The following CYP26C1 variants were observed in gnomAD, a reference collection of about 807,000 sequenced individuals.
CYP26C1 encodes cytochrome P450 family 26 subfamily C member 1.
A neutral mutation model predicts 39.1 loss-of-function variants in CYP26C1; 41 were observed. That is an observed-to-expected ratio of 1.05 (90% CI 0.82 to 1.36). The LOEUF (loss-of-function observed/expected upper bound fraction) is 1.36, where lower values mean the gene tolerates loss of function less well. Among genes scored for constraint, CYP26C1 ranks in the 40% most tolerant of loss-of-function variants. The pLI is 0.00. For synonymous variants in CYP26C1, 362 were observed against 350.8 expected (o/e 1.03, Z -0.36); for missense variants, 833 against 752.0 (o/e 1.11, Z -1.26).
In CYP26C1 at chr10:93,062,027, T is replaced by C; in HGVS notation, c.222T>C (p.Ser74=). ...GCCCGCAGGGCTCGCGCTTCCACAG[T>C]TCTCGCCGAGAGCGCTATGGGACAG... ...HWLVQGSRFH[S]SRRERYGTVF... Residue 74 remains serine, a synonymous_variant, in exon 2 of 6, where the codon AGT becomes AGC. Transcript: ENST00000651965. 2 of 1,569,200 alleles carry C rather than the reference T, an allele frequency of 1.3e-6. No homozygotes were observed. Among genetic ancestry groups the C allele is most frequent in the Non-Finnish European group, 1.7e-6 (2 of 1,157,660 alleles).
chr10:93,066,480 T>TC (rs1171460043), intron 5 of CYP26C1, among the ~76,000 whole-genome samples, 195 bp downstream of exon 5: 3 of 151,970 alleles, frequency 2.0e-5, no homozygotes, highest in Non-Finnish European at 2.9e-5. Context: ...CCTCCCCGGA[T>TC]CCCCCGCTGA....
At chr10:93,061,514 C>T in intron 1 of CYP26C1, 47 bp downstream of exon 1, 1 of 1,542,876 alleles carries the variant, frequency 6.5e-7, no homozygotes, top group African/African-American at 1.4e-5. Flanking sequence ...CCTTCTTCCC[C>T]CGGCTCCCAC....
chr10:93,061,306 G>A lies in CYP26C1; in HGVS notation c.43G>A (p.Ala15Thr). The A allele has an allele frequency of 6.3e-7, 1 of 1,596,158 alleles. No individual in the cohort carries two copies. Among genetic ancestry groups the A allele is most frequent in the Non-Finnish European group, 8.5e-7 (1 of 1,172,574 alleles). ...GAGCTGCCTGTCAGTGCTGGGGGCG[G>A]CGGGCACTGCTCTCCTGTGCGCGGG... ...GLSCLSVLGA[A>T]GTALLCAGLL... Residue 15 changes from alanine (A) to threonine (T), a missense_variant, in exon 1 of 6, where the codon GCG (alanine) becomes ACG (threonine). By Grantham distance (58) the Ala-to-Thr change is moderately conservative. Transcript: ENST00000651965.
At chr10:93,066,998 GCTCTGGC>G in intron 5 of CYP26C1, among the ~76,000 whole-genome samples, 1 of 152,368 alleles carries the variant, frequency 6.6e-6, no homozygotes, top group South Asian at 2.1e-4. Flanking sequence ...AGGCAGTGGT[GCTCTGGC>G]TGTGCCAAAC....
chr10:93,065,852 G>T, intron 4 of CYP26C1, 104 bp from the exon 5 acceptor site: 1 of 1,152,494 alleles, frequency 8.7e-7, no homozygotes, highest in Non-Finnish European at 1.1e-6. Context: ...CTGGCTTTTC[G>T]CAATAGTAAA....
At position 93,061,092 on chromosome 10, in the gene CYP26C1, C is replaced by G; in HGVS notation, c.-172C>G. 1.5e-6 allele frequency: 1 copy of G among 663,680 alleles called. No individual in the cohort carries two copies. Among genetic ancestry groups the G allele is most frequent in the Non-Finnish European group, 2.5e-6 (1 of 399,884 alleles). The allele number at this position is 663,680 out of a possible 1,614,324, so 41.1% of individuals were successfully genotyped here. A position where few individuals can be genotyped will look rare whatever the true frequency, so the allele number is the denominator to read the frequency against. The stretch of plus-strand genomic sequence containing the variant: ...ACGGTCACTGCAGTCTTTCACCGTC[C>G]GTCTGTTTTTAGAACAGAGTTCTGG... On this transcript the variant is annotated 5_prime_UTR_variant, in exon 1 of 6. Transcript: ENST00000651965.
At chr10:93,064,071 G>A in intron 3 of CYP26C1, 3 of 1,161,456 alleles carry the variant, frequency 2.6e-6, no homozygotes, top group Non-Finnish European at 3.2e-6. Flanking sequence ...GCATGGACAT[G>A]GACAGCTGTG....
At chr10:93,062,303 G>GC (rs1846761786) in intron 2 of CYP26C1, 69 bp downstream of exon 2, 1 of 1,448,970 alleles carries the variant, frequency 6.9e-7, no homozygotes, top group Non-Finnish European at 9.1e-7. Context: ...CATGGGCCAG[G>GC]CCGGGGCCCC....
rs1337393176 is a variant in CYP26C1, at chr10:93,062,704, ACG to A, written c.430-10_430-9del. ...GGCCAGACCGCCGCCAGCGCTGATC[ACG>A]CGCGCTCCCACAGGTCCTGGCGCGC... On this transcript the variant is annotated splice_polypyrimidine_tract_variant and intron_variant, in intron 2 of 5. Transcript: ENST00000651965. 7.2e-7 allele frequency: 1 copy of A among 1,396,392 alleles called. No individual in the cohort carries two copies. The highest frequency in any genetic ancestry group is 9.2e-7 in the Non-Finnish European group (1 of 1,085,340). 86.5% of individuals were successfully genotyped at this position (1,396,392 alleles called of 1,614,324 possible).
rs1009625618 is a variant in CYP26C1 at position 93,069,139 on chromosome 10, C to T, written c.*442C>T. 2 of 156,642 alleles carry T rather than the reference C, an allele frequency of 1.3e-5. No homozygotes were observed. The highest frequency in any genetic ancestry group is 4.8e-5 in the African/African-American group (2 of 41,652). 9.7% of individuals were successfully genotyped at this position (156,642 alleles called of 1,614,324 possible). The stretch of plus-strand genomic sequence containing the variant: ...CGACGCACGCGGTGGGACCTGCAAC[C>T]CTTGTAAGGAAGCGGGCACGCCGTG... On this transcript the variant is annotated 3_prime_UTR_variant, in exon 6 of 6. Transcript: ENST00000651965.
rs1846758279 is a variant in CYP26C1, at chr10:93,062,131, A to C, written c.326A>C (p.Glu109Ala). 2 of 1,548,730 alleles carry C rather than the reference A, an allele frequency of 1.3e-6. No homozygotes were observed. Among genetic ancestry groups the C allele is most frequent in the East Asian group, 2.4e-5 (1 of 41,378 alleles). ...AENVRTILLG[E>A]HRLVRSQWPQ... ...AACGTGCGCACCATCCTGCTGGGCGAGCACCGCCTGGTGCGCAGCCAGTGG... is the reference window on the plus strand; with the variant it reads ...AACGTGCGCACCATCCTGCTGGGCGCGCACCGCCTGGTGCGCAGCCAGTGG... The change falls in exon 2 of 6, where the codon GAG (glutamate) becomes GCG (alanine). Residue 109 changes from glutamate to alanine, a missense_variant. Transcript: ENST00000651965.
At chr10:93,061,588 C>T in intron 1 of CYP26C1, 121 bp downstream of exon 1, 1 of 1,283,278 alleles carries the variant, frequency 7.8e-7, no homozygotes, top group Non-Finnish European at 1.1e-6. Context: ...CGCCCACGAC[C>T]CCGGGAAGCG....
In CYP26C1 at chr10:93,068,635, G is replaced by C. The variant is rs753971732; in HGVS notation, c.1507G>C (p.Gly503Arg). ...QTVPIVHPVD[G>R]LRLFFHPLTP... ...GGTGCCCATCGTGCACCCAGTGGACGGGCTGCGGCTCTTTTTCCACCCCCT... is the reference window on the plus strand; with the variant it reads ...GGTGCCCATCGTGCACCCAGTGGACCGGCTGCGGCTCTTTTTCCACCCCCT... Residue 503 changes from glycine (G) to arginine (R), a missense_variant, in exon 6 of 6, where the codon GGG (glycine) becomes CGG (arginine). By Grantham distance (125) the Gly-to-Arg change is moderately radical. Transcript: ENST00000651965. 7 of 1,598,332 alleles carry C rather than the reference G, an allele frequency of 4.4e-6. No individual in the cohort carries two copies. The African/African-American group carries it at 8.0e-5, about 18-fold the overall frequency.
chr10:93,063,561 T>G, intron 3 of CYP26C1: 2 of 985,712 alleles, frequency 2.0e-6, no homozygotes, highest in Non-Finnish European at 2.4e-6. Context: ...GCAGCTAGGA[T>G]GCCCCATCCC....
In CYP26C1 at chr10:93,068,588, C is replaced by T; in HGVS notation, c.1460C>T (p.Pro487Leu). The T allele has an allele frequency of 1.9e-6, 3 of 1,594,648 alleles. No homozygotes were observed. Among genetic ancestry groups the T allele is most frequent in the Non-Finnish European group, 2.6e-6 (3 of 1,171,238 alleles). ...VRTARWELAT[P>L]AFPAMQTVPI... ...ACCGCGCGCTGGGAACTGGCCACAC[C>T]CGCCTTCCCCGCCATGCAGACGGTG... Residue 487 changes from proline to leucine, a missense_variant, in exon 6 of 6, where the codon CCC becomes CTC. Physicochemically the swap from Pro to Leu is moderately conservative, Grantham distance 98 (BLOSUM62 -3). Coordinates refer to ENST00000651965, the MANE Select transcript of CYP26C1 (RefSeq NM_183374.3).
Position 93,062,883 on chromosome 10 carries a change from TGGGGTTGCGGCTGGACGA to T in CYP26C1, c.596_613del (p.Gly199_Glu204del), listed in dbSNP as rs760105312. On this transcript the variant is annotated inframe_deletion, in exon 3 of 6. Transcript: ENST00000651965. ...TTCCGCATGGCCGCGCGCATCCTGC[TGGGGTTGCGGCTGGACGA>T]GGCGCAGTGCGCCACGCTGGCCCGG... The T allele has an allele frequency of 1.9e-6, 3 of 1,605,218 alleles. No individual in the cohort carries two copies. The East Asian group carries it at 6.7e-5, about 36-fold the overall frequency.
At chr10:93,067,658 G>A (rs575993186) in intron 5 of CYP26C1, among the ~76,000 whole-genome samples, 2 of 152,204 alleles carry the variant, frequency 1.3e-5, no homozygotes, top group East Asian at 3.9e-4. Flanking sequence ...GTGTAGTCAG[G>A]GGGTTGGAAG....
intron 2 of CYP26C1, 145 bp downstream of exon 2, chr10:93,062,379 C>T (rs1295597978): frequency 2.5e-6 from 2 of 794,560 alleles, no homozygotes; most frequent in Non-Finnish European, 3.9e-6. Context: ...TGGGCGGGTC[C>T]GTTACCTTCA....
chr10:93,063,792 G>A (rs1846781733), intron 3 of CYP26C1: 31 of 984,688 alleles, frequency 3.1e-5, no homozygotes, highest in Non-Finnish European at 3.4e-5. Flanking sequence ...GTAGGGGCAC[G>A]AACAGGACTT....
Sources: gnomAD v4.1 joint callset for allele counts (sites outside exome capture counted in the v4.1 genomes callset) on GRCh38, gnomAD v4.1.1 for gene constraint, MANE v1.5 for transcripts, NCBI Gene and HGNC (gene_info 2026-07-23, HGNC 2026-07-21) for gene names.